The following NOTCH2NLR variants were observed in gnomAD, a reference collection of about 807,000 sequenced individuals.
NOTCH2NLR encodes notch 2 N-terminal like R.
NOTCH2NLR carries 33 observed loss-of-function variants against 35.6 expected under a neutral mutation model. The observed-to-expected ratio is 0.93, with a 90% CI of 0.70 to 1.24. NOTCH2NLR has a LOEUF of 1.24. Among genes scored for constraint, NOTCH2NLR ranks in the 50% most tolerant of loss-of-function variants. The probability of loss-of-function intolerance (pLI) is 0.00; values close to 1 mark genes in which losing one functional copy is unlikely to be tolerated. For synonymous variants in NOTCH2NLR, 103 were observed against 141.0 expected (o/e 0.73, Z 1.91); for missense variants, 276 against 362.2 (o/e 0.76, Z 1.93).
In NOTCH2NLR at chr1:120,729,121, A is replaced by G. The variant is rs1241065784; in HGVS notation, c.73+4871A>G. On this transcript the variant is annotated intron_variant, in intron 1 of 4. Coordinates refer to ENST00000624419, the Ensembl canonical transcript of NOTCH2NLR. ...TGATGGTGAGTTGGAGTGTGTTTCT[A>G]TGTTCTTTTTTCCTTTGAAGAGATA... 5.6e-5 allele frequency among the ~76,000 whole-genome samples: 5 copies of G among 89,270 alleles called. No homozygotes were observed. The East Asian group carries it at 1.3e-3, about 24-fold the overall frequency. The allele number at this position is 89,270 out of a possible 152,430, so 58.6% of individuals were successfully genotyped here.
intron 2 of NOTCH2NLR, among the ~76,000 whole-genome samples, chr1:120,765,099 T>C (rs1651176393): frequency 8.8e-6 from 1 of 113,868 alleles, no homozygotes; most frequent in Non-Finnish European, 1.7e-5. Flanking sequence ...GGAATAAAGA[T>C]AACATTGGAA....
At chr1:120,789,576 C>A (rs1651460785) in intron 3 of NOTCH2NLR, among the ~76,000 whole-genome samples, 1 of 96,840 alleles carries the variant, frequency 1.0e-5, no homozygotes, top group East Asian at 2.5e-4. Context: ...AGACTGGCCC[C>A]CATGATACAG....
intron 1 of NOTCH2NLR, among the ~76,000 whole-genome samples, chr1:120,729,550 T>C (rs1417730811): frequency 8.8e-6 from 1 of 113,544 alleles, no homozygotes; most frequent in Non-Finnish European, 1.7e-5. Flanking sequence ...CTGTAGACTT[T>C]ACTGAGCTGA....
At chr1:120,790,546 T>C (rs1466032482) in intron 3 of NOTCH2NLR, among the ~76,000 whole-genome samples, 1 of 93,448 alleles carries the variant, frequency 1.1e-5, no homozygotes, top group Non-Finnish European at 1.9e-5. Context: ...CTTTCTTTCT[T>C]TCTTTCTTTC....
At chr1:120,793,536 C>A in intron 4 of NOTCH2NLR, 40 bp downstream of exon 4, 2 of 1,102,592 alleles carry the variant, frequency 1.8e-6, no homozygotes, top group Non-Finnish European at 2.6e-6. Context: ...GGGGACAAAC[C>A]CCTAGCACAG....
In NOTCH2NLR at chr1:120,793,403, A is replaced by T; in HGVS notation, c.658A>T (p.Arg220Ter). ...GGGCTTCACAGGCCAGTACTGTGAC[A>T]GACTGTATGTGCCCTGTGCACACTC... is the stretch of plus-strand genomic sequence containing the variant. The change falls in exon 4 of 5, where the codon AGA (arginine) becomes TGA (stop). Residue 220 changes from arginine (R) to a stop codon, truncating the protein, a stop_gained. Transcript: ENST00000624419. LOFTEE classifies it high-confidence loss of function. 1 of 1,440,596 alleles carries T rather than the reference A, an allele frequency of 6.9e-7. No homozygotes were observed. The highest frequency in any genetic ancestry group is 9.3e-7 in the Non-Finnish European group (1 of 1,077,740). The allele number at this position is 1,440,596 out of a possible 1,614,324, so 89.2% of individuals were successfully genotyped here.
chr1:120,777,916 A>G lies in NOTCH2NLR; in HGVS notation c.156-7058A>G, dbSNP rs1651316510. On this transcript the variant is annotated intron_variant, in intron 2 of 4. Transcript: ENST00000624419. ...GGGAGACCAGTGAGTTTAGACCAAT[A>G]GGTGGGTTAGGCCTCCTGAATGCCA... 2.1e-5 allele frequency among the ~76,000 whole-genome samples: 2 copies of G among 96,930 alleles called. 1 individual carries two copies. The highest frequency in any genetic ancestry group is 3.7e-5 in the Non-Finnish European group (2 of 53,376). 63.6% of individuals were successfully genotyped at this position (96,930 alleles called of 152,430 possible).
chr1:120,765,061 T>C lies in NOTCH2NLR; in HGVS notation c.155+1352T>C, dbSNP rs1273578868. On this transcript the variant is annotated intron_variant, in intron 2 of 4. Transcript: ENST00000624419. ...AAAATATTTTAAGCTGTGATGACAG[T>C]AAAGCTTAACAATAGGTTGTTTGGA... Among the ~76,000 whole-genome samples, 8 of 102,844 alleles carry C rather than the reference T, an allele frequency of 7.8e-5. 1 individual carries two copies. Among genetic ancestry groups the C allele is most frequent in the African/African-American group, 4.7e-4 (8 of 16,992 alleles). The allele number at this position is 102,844 out of a possible 152,430, so 67.5% of individuals were successfully genotyped here. A position where few individuals can be genotyped will look rare whatever the true frequency, so the allele number is the denominator to read the frequency against.
rs1208084414 is a variant in NOTCH2NLR, at chr1:120,768,064, C to T, written c.155+4355C>T. Among the ~76,000 whole-genome samples, 2 of 101,490 alleles carry T rather than the reference C, an allele frequency of 2.0e-5. 1 individual carries two copies. The highest frequency in any genetic ancestry group is 1.3e-4 in the African/African-American group (2 of 15,426). 66.6% of individuals were successfully genotyped at this position (101,490 alleles called of 152,430 possible). On this transcript the variant is annotated intron_variant, in intron 2 of 4. Coordinates refer to ENST00000624419, the Ensembl canonical transcript of NOTCH2NLR. ...GTGATAGATTTTAAAGTTTATCTCC[C>T]ACTAAAGAATGTTGAATTTTGTCAA...
exon 3 of NOTCH2NLR, chr1:120,785,068 A>G: frequency 6.9e-7 from 1 of 1,446,076 alleles, no homozygotes; most frequent in Non-Finnish European, 9.2e-7. Context: ...GGCCCAGGCC[A>G]TGCTGGGGAA....
chr1:120,792,945 CCACT>C (rs1256348149), intron 3 of NOTCH2NLR, among the ~76,000 whole-genome samples: 1 of 73,874 alleles, frequency 1.4e-5, no homozygotes, highest in Non-Finnish European at 2.4e-5. Context: ...GGTGCTCCAC[CCACT>C]GAGTCCTTGT....
rs1402230018 is a variant in NOTCH2NLR, at chr1:120,793,429, G to A, written c.684G>A (p.Ser228=). The A allele has an allele frequency of 1.2e-4, 179 of 1,442,524 alleles. 44 individuals are homozygous for A. Among genetic ancestry groups the A allele is most frequent in the East Asian group, 6.3e-4 (27 of 42,752 alleles). 89.4% of individuals were successfully genotyped at this position (1,442,524 alleles called of 1,614,324 possible). The change falls in exon 4 of 5, where the codon TCG becomes TCA. Residue 228 remains serine, a synonymous_variant. Coordinates refer to ENST00000624419, the Ensembl canonical transcript of NOTCH2NLR. ...GACTGTATGTGCCCTGTGCACACTCGCCTTGTGTCAATGGAGGCACCTGTC... is the reference window on the plus strand; with the variant it reads ...GACTGTATGTGCCCTGTGCACACTCACCTTGTGTCAATGGAGGCACCTGTC...
intron 1 of NOTCH2NLR, among the ~76,000 whole-genome samples, chr1:120,753,544 G>C (rs1651047894): frequency 7.7e-5 from 1 of 13,040 alleles, no homozygotes; most frequent in East Asian, 1.5e-3. Flanking sequence ...TACCACCCAA[G>C]GATGTTTTAA....
intron 1 of NOTCH2NLR, among the ~76,000 whole-genome samples, chr1:120,752,565 T>A (rs1651034691): frequency 6.7e-5 from 2 of 29,946 alleles, no homozygotes; most frequent in African/African-American, 6.1e-4. Context: ...TTTTTTTTTT[T>A]TTTTTTTTTC....
intron 1 of NOTCH2NLR, 30 bp from the exon 2 acceptor site, chr1:120,763,598 C>T: frequency 9.8e-7 from 1 of 1,016,848 alleles, no homozygotes; most frequent in Non-Finnish European, 1.4e-6. Context: ...TAGTGACTTA[C>T]TTCTAATGTG....
At chr1:120,763,652 A>T in exon 2 of NOTCH2NLR, 3 of 1,410,744 alleles carry the variant, frequency 2.1e-6, no homozygotes, top group Non-Finnish European at 2.8e-6. Flanking sequence ...GATGGCTATG[A>T]ACCCTGTGTA....
intron 2 of NOTCH2NLR, among the ~76,000 whole-genome samples, chr1:120,767,621 T>C (rs1651208281): frequency 1.1e-5 from 1 of 87,798 alleles, no homozygotes; most frequent in Admixed American, 1.2e-4. Context: ...TACTGTCAAA[T>C]CTTAATAAAG....
At chr1:120,775,685 A>G (rs1193535863) in intron 2 of NOTCH2NLR, among the ~76,000 whole-genome samples, 15,533 of 33,222 alleles carry the variant, frequency 0.47, 5,522 homozygotes, top group Non-Finnish European at 0.52. Context: ...TGCTATTGAG[A>G]CCACTTTGTA....
chr1:120,793,531 C>A lies in NOTCH2NLR; in HGVS notation c.751+35C>A, dbSNP rs1320425302. On this transcript the variant is annotated intron_variant, in intron 4 of 4. Coordinates refer to ENST00000624419, the Ensembl canonical transcript of NOTCH2NLR. Reference sequence around the variant, plus strand: ...TCCCTAGTGTCCCAGGATTAGGGGACAAACCCCTAGCACAGGAGGTAGTGG... The same window carrying A: ...TCCCTAGTGTCCCAGGATTAGGGGAAAAACCCCTAGCACAGGAGGTAGTGG... 1.4e-5 allele frequency: 16 copies of A among 1,117,558 alleles called. 3 individuals are homozygous for A. Among genetic ancestry groups the A allele is most frequent in the East Asian group, 4.9e-5 (2 of 40,532 alleles). The allele number at this position is 1,117,558 out of a possible 1,614,324, so 69.2% of individuals were successfully genotyped here. A position where few individuals can be genotyped will look rare whatever the true frequency, so the allele number is the denominator to read the frequency against.
Sources: gnomAD v4.1 joint callset for allele counts (sites outside exome capture counted in the v4.1 genomes callset) on GRCh38, gnomAD v4.1.1 for gene constraint, MANE v1.5 for transcripts, NCBI Gene and HGNC (gene_info 2026-07-23, HGNC 2026-07-21) for gene names.